SPIDR: variants seen among roughly 807,000 people sequenced by gnomAD.
The protein encoded by SPIDR is DNA repair-scaffolding protein.
A neutral mutation model predicts 104.6 loss-of-function variants in SPIDR; 93 were observed. The observed-to-expected ratio is 0.89, with a 90% CI of 0.75 to 1.06. SPIDR has a LOEUF of 1.06. SPIDR is among the 50% of genes least tolerant of loss of function. SPIDR has a pLI of 0.00. For missense variants in SPIDR, 1,154 were observed against 1,111.2 expected, an observed-to-expected ratio of 1.04 and a Z score of -0.55; for synonymous variants, 431 against 416.9, an observed-to-expected ratio of 1.03 and a Z score of -0.41.
rs1554556781 is a variant in SPIDR at position 47,279,436 on chromosome 8, G to C, written c.34-426G>C. On this transcript the variant is annotated intron_variant, in intron 1 of 19. Coordinates refer to ENST00000297423, the MANE Select transcript of SPIDR (RefSeq NM_001080394.4). ...CTCTCATCTCTTCACATCTTCTTACGGTAGAGCCCCTGCTCTCACCTAGTT... is the reference window on the plus strand; with the variant it reads ...CTCTCATCTCTTCACATCTTCTTACCGTAGAGCCCCTGCTCTCACCTAGTT... 1.1e-3 allele frequency: 173 copies of C among 157,190 alleles called. 1 individual carries two copies. Among genetic ancestry groups the C allele is most frequent in the Non-Finnish European group, 1.9e-3 (135 of 71,028 alleles). The allele number at this position is 157,190 out of a possible 1,614,324, so 9.7% of individuals were successfully genotyped here.
intron 5 of SPIDR, among the ~76,000 whole-genome samples, chr8:47,321,228 T>C (rs934892841): frequency 6.6e-5 from 10 of 152,226 alleles, no homozygotes; most frequent in African/African-American, 1.2e-4. Context: ...CTTAAGCTGA[T>C]AGGCAACTTC....
intron 8 of SPIDR, among the ~76,000 whole-genome samples, chr8:47,461,602 G>T (rs797040257): frequency 3.3e-5 from 5 of 152,222 alleles, no homozygotes; most frequent in African/African-American, 1.2e-4. Flanking sequence ...GAGCCACTGC[G>T]CCCAGCCTGT....
chr8:47,612,354 G>A (rs2154431472), intron 10 of SPIDR, among the ~76,000 whole-genome samples: 1 of 152,244 alleles, frequency 6.6e-6, no homozygotes, highest in South Asian at 2.1e-4. Context: ...TGGAAAAGTG[G>A]GAAACTGCAG....
intron 8 of SPIDR, among the ~76,000 whole-genome samples, chr8:47,445,399 A>T (rs2070372583): frequency 1.3e-5 from 2 of 152,190 alleles, no homozygotes. Flanking sequence ...ATTGATAAAT[A>T]CTGTGTGTGC....
chr8:47,614,521 C>T (rs753930146), intron 10 of SPIDR, among the ~76,000 whole-genome samples: 15 of 152,156 alleles, frequency 9.9e-5, no homozygotes, highest in Non-Finnish European at 1.3e-4. Context: ...CACGCCCAGC[C>T]GATCTTGTTC....
intron 8 of SPIDR, among the ~76,000 whole-genome samples, chr8:47,478,474 T>G (rs1294596794): frequency 6.6e-6 from 1 of 152,110 alleles, no homozygotes; most frequent in African/African-American, 2.4e-5. Flanking sequence ...CATTTCTTGG[T>G]TGAGTGCAGA....
At chr8:47,515,258 T>C (rs1200924463) in intron 8 of SPIDR, among the ~76,000 whole-genome samples, 1 of 152,204 alleles carries the variant, frequency 6.6e-6, no homozygotes, top group African/African-American at 2.4e-5. Flanking sequence ...GTGACCTATT[T>C]TGGTGCTTAT....
chr8:47,357,693 TAGTAC>T (rs1172158600), intron 5 of SPIDR, among the ~76,000 whole-genome samples: 1 of 152,220 alleles, frequency 6.6e-6, no homozygotes, highest in African/African-American at 2.4e-5. Context: ...ACAATGAGCA[TAGTAC>T]TCATTTCCAT....
chr8:47,261,963 T>G (rs2154208552), intron 1 of SPIDR, among the ~76,000 whole-genome samples: 1 of 152,380 alleles, frequency 6.6e-6, no homozygotes, highest in South Asian at 2.1e-4. Context: ...CATTGGAGCG[T>G]TTGACACATT....
chr8:47,339,294 GA>G (rs2050300244), intron 5 of SPIDR, among the ~76,000 whole-genome samples: 1 of 152,148 alleles, frequency 6.6e-6, no homozygotes, highest in South Asian at 2.1e-4. Context: ...TGTTTCTACT[GA>G]GAACGAATTT....
chr8:47,349,439 G>T (rs928560568), intron 5 of SPIDR, among the ~76,000 whole-genome samples: 1 of 152,208 alleles, frequency 6.6e-6, no homozygotes, highest in Admixed American at 6.5e-5. Context: ...ACCCCCTTGA[G>T]GAGGCAGTGT....
At chr8:47,462,838 G>GA (rs1386827652) in intron 8 of SPIDR, among the ~76,000 whole-genome samples, 2 of 151,974 alleles carry the variant, frequency 1.3e-5, no homozygotes, top group Non-Finnish European at 2.9e-5. Context: ...GATTGACCAC[G>GA]AAAAAACTGG....
At chr8:47,458,704 T>C (rs181451534) in intron 8 of SPIDR, among the ~76,000 whole-genome samples, 1 of 152,274 alleles carries the variant, frequency 6.6e-6, no homozygotes, top group African/African-American at 2.4e-5. Context: ...GTGGACATCC[T>C]TGTCGTATTC....
intron 8 of SPIDR, among the ~76,000 whole-genome samples, chr8:47,539,280 G>A (rs921904097): frequency 6.6e-6 from 1 of 152,032 alleles, no homozygotes; most frequent in African/African-American, 2.4e-5. Context: ...TTTATATACT[G>A]GTAATTTTTT....
rs1035905453 is a variant in SPIDR at position 47,486,609 on chromosome 8, G to A, written c.1097+46067G>A. Among the ~76,000 whole-genome samples the A allele has an allele frequency of 4.6e-5, 7 of 152,140 alleles. No homozygotes were observed. In the East Asian group the frequency reaches 5.8e-4, roughly 13 times the overall value. On this transcript the variant is annotated intron_variant, in intron 8 of 19. Coordinates refer to ENST00000297423, the MANE Select transcript of SPIDR (RefSeq NM_001080394.4). The stretch of plus-strand genomic sequence containing the variant: ...TAAGAGCACCCAGAGAGAAAGGTCG[G>A]GTTACCCACAAAGGGAAGCCCATCA...
rs542620215 is a variant in SPIDR at position 47,417,606 on chromosome 8, C to G, written c.877+9645C>G. Among the ~76,000 whole-genome samples, 504 of 152,220 alleles carry G rather than the reference C, an allele frequency of 3.3e-3. 2 individuals are homozygous for G. The highest frequency in any genetic ancestry group is 8.8e-3 in the African/African-American group (364 of 41,548). Reference sequence around the variant, plus strand: ...CACTCTGATGGTAGTTTCTTTTGCTCTGCAGAAGCTCTTTAGTTTAATTAG... The same window carrying G: ...CACTCTGATGGTAGTTTCTTTTGCTGTGCAGAAGCTCTTTAGTTTAATTAG... On this transcript the variant is annotated intron_variant, in intron 7 of 19. Transcript: ENST00000297423.
At chr8:47,504,752 C>T (rs1352242503) in intron 8 of SPIDR, among the ~76,000 whole-genome samples, 2 of 152,138 alleles carry the variant, frequency 1.3e-5, no homozygotes, top group African/African-American at 4.8e-5. Flanking sequence ...TGTTTTTTCT[C>T]CATCTTTGTG....
chr8:47,342,281 T>A (rs1479297365), intron 5 of SPIDR, among the ~76,000 whole-genome samples: 2 of 151,266 alleles, frequency 1.3e-5, no homozygotes, highest in East Asian at 3.9e-4. Flanking sequence ...CAAGGCAGAT[T>A]CTCTTCCTCA....
intron 1 of SPIDR, among the ~76,000 whole-genome samples, chr8:47,273,615 A>G (rs370574281): frequency 6.8e-6 from 1 of 147,832 alleles, no homozygotes; most frequent in South Asian, 2.3e-4. Context: ...TTTTTTTGAG[A>G]TACAGTCTTG....
Sources: gnomAD v4.1 joint callset for allele counts (sites outside exome capture counted in the v4.1 genomes callset) on GRCh38, gnomAD v4.1.1 for gene constraint, MANE v1.5 for transcripts, NCBI Gene and HGNC (gene_info 2026-07-23, HGNC 2026-07-21) for gene names.